SDHAF3: variants seen among roughly 807,000 people sequenced by gnomAD.
SDHAF3 encodes the protein succinate dehydrogenase assembly factor 3, mitochondrial.
SDHAF3 carries 18 observed loss-of-function variants against 11.5 expected under a neutral mutation model. The ratio of observed to expected loss-of-function variants is 1.56; its 90% CI spans 1.08 to 2.32. The LOEUF (loss-of-function observed/expected upper bound fraction) is 2.32. Ranked by LOEUF, SDHAF3 falls within the 30% of genes most tolerant of loss-of-function variation. SDHAF3 has a pLI of 0.00. For synonymous variants in SDHAF3, 72 were observed against 59.3 expected, an observed-to-expected ratio of 1.21 and a Z score of -0.99; for missense variants, 200 against 154.4, an observed-to-expected ratio of 1.30 and a Z score of -1.57.
chr7:97,172,516 C>A (rs1238290885), intron 1 of SDHAF3, among the ~76,000 whole-genome samples: 1 of 152,158 alleles, frequency 6.6e-6, no homozygotes, highest in Non-Finnish European at 1.5e-5. Context: ...TTATTGGAAT[C>A]TTAAATTGTG....
intron 1 of SDHAF3, among the ~76,000 whole-genome samples, chr7:97,132,515 G>A (rs1791685911): frequency 6.6e-6 from 1 of 152,048 alleles, no homozygotes; most frequent in East Asian, 1.9e-4. Context: ...GTCTTGTTAA[G>A]CAATGTGAAT....
At chr7:97,176,946 C>T (rs1445412912) in intron 1 of SDHAF3, among the ~76,000 whole-genome samples, 1 of 151,970 alleles carries the variant, frequency 6.6e-6, no homozygotes, top group Admixed American at 6.6e-5. Context: ...GCTAAAATTC[C>T]ATTCCCCTTT....
intron 1 of SDHAF3, among the ~76,000 whole-genome samples, chr7:97,144,953 C>T (rs1403670712): frequency 1.3e-5 from 2 of 151,406 alleles, no homozygotes; most frequent in African/African-American, 4.9e-5. Flanking sequence ...GGTGTGTTTC[C>T]CTTTGTGTGA....
chr7:97,166,813 A>G (rs191139884), intron 1 of SDHAF3, among the ~76,000 whole-genome samples: 42 of 152,326 alleles, frequency 2.8e-4, no homozygotes, highest in African/African-American at 9.9e-4. Context: ...ATGCTGGTGA[A>G]ATAAGGAGCC....
intron 1 of SDHAF3, among the ~76,000 whole-genome samples, chr7:97,121,388 C>T (rs1791493211): frequency 6.6e-6 from 1 of 152,148 alleles, no homozygotes; most frequent in Admixed American, 6.5e-5. Context: ...GAAGAGACTT[C>T]ATTTATTTTT....
intron 1 of SDHAF3, among the ~76,000 whole-genome samples, chr7:97,154,087 T>C (rs1033594734): frequency 3.3e-5 from 5 of 151,738 alleles, no homozygotes; most frequent in Non-Finnish European, 7.4e-5. Flanking sequence ...GCGGTGGAGT[T>C]AGGAGCAATG....
chr7:97,172,956 G>A (rs1431826272), intron 1 of SDHAF3, among the ~76,000 whole-genome samples: 1 of 152,228 alleles, frequency 6.6e-6, no homozygotes, highest in Non-Finnish European at 1.5e-5. Context: ...AGGTTGTAGG[G>A]GATGGTTTTG....
chr7:97,133,201 C>T (rs542077335), intron 1 of SDHAF3, among the ~76,000 whole-genome samples: 9 of 152,086 alleles, frequency 5.9e-5, no homozygotes, highest in Middle Eastern at 3.4e-3. Context: ...AGTATGTCTG[C>T]AGAAAAAATT....
intron 1 of SDHAF3, among the ~76,000 whole-genome samples, chr7:97,151,894 G>T (rs1789230294): frequency 6.6e-6 from 1 of 151,966 alleles, no homozygotes; most frequent in Non-Finnish European, 1.5e-5. Context: ...GCATCCACTG[G>T]TTCCCTGCTG....
intron 1 of SDHAF3, among the ~76,000 whole-genome samples, chr7:97,160,493 A>G (rs564223282): frequency 4.5e-4 from 68 of 152,282 alleles, no homozygotes; most frequent in Middle Eastern, 6.8e-3. Context: ...AAGAGAGATC[A>G]GATTGTTACT....
rs1789309678 is a variant in SDHAF3 at position 97,156,872 on chromosome 7, G to A, written c.175-24140G>A. The stretch of plus-strand genomic sequence containing the variant: ...GTTCTGGGGTACATGCGCACAACGT[G>A]CAGGTTTGTTACACAGGTATACATG... On this transcript the variant is annotated intron_variant, in intron 1 of 1. Transcript: ENST00000432641. Among the ~76,000 whole-genome samples the A allele has an allele frequency of 2.0e-5, 3 of 152,188 alleles. No homozygotes were observed. In the South Asian group the frequency reaches 6.2e-4, roughly 32 times the overall value.
At chr7:97,135,146 A>G (rs1314161422) in intron 1 of SDHAF3, 4 of 149,090 alleles carry the variant, frequency 2.7e-5, no homozygotes, top group Admixed American at 2.0e-4. Context: ...TCCTTGTCAT[A>G]TTTCTCATTG....
At chr7:97,174,780 A>G (rs1326558311) in intron 1 of SDHAF3, among the ~76,000 whole-genome samples, 1 of 152,192 alleles carries the variant, frequency 6.6e-6, no homozygotes, top group Non-Finnish European at 1.5e-5. Context: ...AGTGTGACTT[A>G]CTACTGGTCA....
intron 1 of SDHAF3, among the ~76,000 whole-genome samples, chr7:97,151,703 G>A (rs1163889820): frequency 6.6e-6 from 1 of 152,020 alleles, no homozygotes; most frequent in Non-Finnish European, 1.5e-5. Flanking sequence ...GTTTCACAGT[G>A]TTCACCAGGA....
intron 1 of SDHAF3, among the ~76,000 whole-genome samples, chr7:97,157,276 C>T (rs889705369): frequency 3.3e-5 from 5 of 152,132 alleles, no homozygotes; most frequent in African/African-American, 9.7e-5. Context: ...TCAAGTTAGA[C>T]TTCTGTACCT....
intron 1 of SDHAF3, among the ~76,000 whole-genome samples, chr7:97,166,403 G>T (rs183731388): frequency 3.3e-4 from 50 of 151,126 alleles, no homozygotes; most frequent in Non-Finnish European, 6.2e-4. Flanking sequence ...GGAATTCAAA[G>T]ATTTTCTGAT....
intron 1 of SDHAF3, among the ~76,000 whole-genome samples, chr7:97,126,268 G>T (rs1359233848): frequency 2.0e-5 from 3 of 152,210 alleles, no homozygotes; most frequent in Non-Finnish European, 4.4e-5. Context: ...CAGTCAGGAG[G>T]CATGGGGGTC....
chr7:97,128,716 TA>T (rs1391018507), intron 1 of SDHAF3, among the ~76,000 whole-genome samples: 1 of 152,204 alleles, frequency 6.6e-6, no homozygotes. Context: ...AATATGTGGA[TA>T]ATATTAATTT....
chr7:97,162,412 A>G (rs906262370), intron 1 of SDHAF3, among the ~76,000 whole-genome samples: 11 of 151,592 alleles, frequency 7.3e-5, no homozygotes, highest in Admixed American at 3.9e-4. Flanking sequence ...GTTATTTCTT[A>G]TCTTCTGCTA....
Sources: allele counts gnomAD v4.1 joint callset (sites outside exome capture counted in the v4.1 genomes callset), GRCh38; gene constraint gnomAD v4.1.1; transcripts MANE v1.5; gene names NCBI Gene and HGNC (gene_info 2026-07-23, HGNC 2026-07-21).